The following STK4 variants were observed in gnomAD, a reference collection of about 807,000 sequenced individuals.
STK4 encodes the protein serine/threonine-protein kinase 4.
Under a neutral mutation model 64.9 loss-of-function variants are expected in STK4, and 30 were observed. The observed-to-expected ratio is 0.46, with a 90% CI of 0.35 to 0.63. The LOEUF (loss-of-function observed/expected upper bound fraction) is 0.63, where lower values mean the gene tolerates loss of function less well. Among genes scored for constraint, STK4 ranks in the 20% least tolerant of loss-of-function variants. STK4 has a pLI of 0.01. For missense variants in STK4, 466 were observed against 598.5 expected, an observed-to-expected ratio of 0.78 and a Z score of 2.31; for synonymous variants, 177 against 199.0, an observed-to-expected ratio of 0.89 and a Z score of 0.93.
At chr20:45,001,429 A>G in intron 9 of STK4, 76 bp downstream of exon 9, 1 of 1,497,594 alleles carries the variant, frequency 6.7e-7, no homozygotes, top group Non-Finnish European at 9.0e-7. Flanking sequence ...CTCATGGTTC[A>G]TGCAGGCTTA....
chr20:45,074,455 G>A (rs1980345841), intron 10 of STK4, among the ~76,000 whole-genome samples: 2 of 152,076 alleles, frequency 1.3e-5, no homozygotes, highest in Non-Finnish European at 2.9e-5. Flanking sequence ...CTGTTACCTG[G>A]TATATAGTAG....
intron 9 of STK4, among the ~76,000 whole-genome samples, chr20:45,021,563 ATCAG>A (rs2068248605): frequency 6.6e-6 from 1 of 152,218 alleles, no homozygotes; most frequent in Non-Finnish European, 1.5e-5. Context: ...GGCTTCCCCT[ATCAG>A]TCAGTTCATT....
intron 2 of STK4, among the ~76,000 whole-genome samples, chr20:44,977,289 G>A (rs2067356289): frequency 6.6e-6 from 1 of 152,140 alleles, no homozygotes; most frequent in South Asian, 2.1e-4. Context: ...GACTTAAAAA[G>A]TTTTATGTTA....
intron 3 of STK4, among the ~76,000 whole-genome samples, chr20:44,979,295 T>A (rs1226928292): frequency 1.3e-5 from 2 of 152,072 alleles, no homozygotes; most frequent in Admixed American, 1.3e-4. Context: ...GGTAAATCTA[T>A]AAAAAAAGAG....
intron 10 of STK4, among the ~76,000 whole-genome samples, chr20:45,039,063 CTG>C (rs1014907022): frequency 2.0e-5 from 3 of 152,008 alleles, no homozygotes; most frequent in Admixed American, 6.6e-5. Context: ...TTTAAGATAA[CTG>C]TGGATAGTCT....
chr20:44,971,495 TC>T (rs1431640506), intron 1 of STK4, among the ~76,000 whole-genome samples: 1 of 152,164 alleles, frequency 6.6e-6, no homozygotes, highest in African/African-American at 2.4e-5. Flanking sequence ...TCCCGTGTCT[TC>T]CTTAGTCTGC....
chr20:44,971,082 TACAC>T (rs142027582), intron 1 of STK4, among the ~76,000 whole-genome samples: 2,352 of 136,482 alleles, frequency 0.017, 32 homozygotes, highest in Middle Eastern at 0.043. Context: ...TTGTGTAGAC[TACAC>T]ACACACACAC....
chr20:45,033,183 G>T (rs1295790118), intron 10 of STK4, among the ~76,000 whole-genome samples: 9 of 152,014 alleles, frequency 5.9e-5, no homozygotes. Flanking sequence ...ATCTTTCTTG[G>T]ATGCATAGTT....
At chr20:45,071,716 T>A (rs934003748) in intron 10 of STK4, among the ~76,000 whole-genome samples, 1 of 152,236 alleles carries the variant, frequency 6.6e-6, no homozygotes, top group Admixed American at 6.5e-5. Context: ...TTATCAAACT[T>A]GAGGATTTAT....
At chr20:45,032,443 G>A (rs1164090123) in intron 10 of STK4, among the ~76,000 whole-genome samples, 1 of 152,018 alleles carries the variant, frequency 6.6e-6, no homozygotes, top group African/African-American at 2.4e-5. Flanking sequence ...CCTCAAGGAA[G>A]CCCTGATTTC....
intron 10 of STK4, among the ~76,000 whole-genome samples, chr20:45,059,172 C>T (rs1978768527): frequency 6.6e-6 from 1 of 152,200 alleles, no homozygotes; most frequent in South Asian, 2.1e-4. Flanking sequence ...TATCACACAA[C>T]TGTGGTTGAA....
At chr20:44,971,961 C>T in intron 1 of STK4, 117 bp from the exon 2 acceptor site, 1 of 926,040 alleles carries the variant, frequency 1.1e-6, no homozygotes, top group Admixed American at 2.6e-5. Flanking sequence ...ACAGTCTTAA[C>T]TAGTGAAGTC....
chr20:45,036,776 C>T (rs773853818), intron 10 of STK4, among the ~76,000 whole-genome samples: 2 of 152,046 alleles, frequency 1.3e-5, no homozygotes, highest in African/African-American at 4.8e-5. Flanking sequence ...ATAAATTAAA[C>T]TTCATTATAG....
In STK4 at chr20:45,017,949, A is replaced by G. The variant is rs1301407072; in HGVS notation, c.1148-7024A>G. Among the ~76,000 whole-genome samples, 6 of 152,228 alleles carry G rather than the reference A, an allele frequency of 3.9e-5. No individual in the cohort carries two copies. In the East Asian group the frequency reaches 5.8e-4, roughly 15 times the overall value. On this transcript the variant is annotated intron_variant, in intron 9 of 10. Transcript: ENST00000372806. ...TGGGCTCCAGGGAACCTTATAACTT[A>G]TGATTCCAGCAATTCTTAGTGGTTT...
At chr20:44,999,992 C>T (rs1483781537) in intron 7 of STK4, among the ~76,000 whole-genome samples, 1 of 152,118 alleles carries the variant, frequency 6.6e-6, no homozygotes, top group Non-Finnish European at 1.5e-5. Flanking sequence ...CAGAATCTGC[C>T]ACAGTTCATG....
intron 9 of STK4, chr20:45,004,494 T>A (rs756245890): frequency 1.3e-5 from 2 of 151,582 alleles, no homozygotes; most frequent in African/African-American, 4.8e-5. Context: ...AAGAAATGCC[T>A]GTTCATGTCC....
intron 5 of STK4, among the ~76,000 whole-genome samples, chr20:44,988,531 G>C (rs11699523): frequency 1.3e-5 from 1 of 77,038 alleles, no homozygotes; most frequent in Non-Finnish European, 2.2e-5. Flanking sequence ...ATATGTGTGT[G>C]TGTATATATA....
chr20:45,033,628 G>A (rs1445410442), intron 10 of STK4, among the ~76,000 whole-genome samples: 1 of 152,086 alleles, frequency 6.6e-6, no homozygotes, highest in East Asian at 1.9e-4. Context: ...CCAGGCTGGA[G>A]TAATGCAGTG....
intron 10 of STK4, among the ~76,000 whole-genome samples, chr20:45,030,351 T>C (rs2068422811): frequency 6.6e-6 from 1 of 152,168 alleles, no homozygotes; most frequent in Non-Finnish European, 1.5e-5. Context: ...TGATCCACTC[T>C]CTTTGGCCTC....
Sources: gnomAD v4.1 joint callset for allele counts (sites outside exome capture counted in the v4.1 genomes callset) on GRCh38, gnomAD v4.1.1 for gene constraint, MANE v1.5 for transcripts, NCBI Gene and HGNC (gene_info 2026-07-23, HGNC 2026-07-21) for gene names.